The following ZYG11B variants were observed in gnomAD, a reference collection of about 807,000 sequenced individuals.
The protein encoded by ZYG11B is zyg-11 family member B, cell cycle regulator.
Under a neutral mutation model 82.4 loss-of-function variants are expected in ZYG11B, and 36 were observed. That is an observed-to-expected ratio of 0.44 (90% CI 0.33 to 0.58). ZYG11B has a LOEUF of 0.58. Among genes scored for constraint, ZYG11B ranks in the 20% least tolerant of loss-of-function variants. The pLI is 0.02. For synonymous variants in ZYG11B, 303 were observed against 312.8 expected, an observed-to-expected ratio of 0.97 and a Z score of 0.33; for missense variants, 552 against 895.6, an observed-to-expected ratio of 0.62 and a Z score of 4.90.
In ZYG11B at chr1:52,796,970, A is replaced by G. The variant is rs1486041192; in HGVS notation, c.1485+186A>G. Among the ~76,000 whole-genome samples the G allele has an allele frequency of 1.5e-3, 103 of 67,472 alleles. 1 individual carries two copies. The highest frequency in any genetic ancestry group is 2.0e-3 in the Non-Finnish European group (85 of 43,526). The allele number at this position is 67,472 out of a possible 152,430, so 44.3% of individuals were successfully genotyped here. On this transcript the variant is annotated intron_variant, in intron 8 of 13. Coordinates refer to ENST00000294353, the MANE Select transcript of ZYG11B (RefSeq NM_024646.3). ...TGTATAATTATATATTATATATAATATATATAAATATATATATTTTTTATA... is the reference window on the plus strand; with the variant it reads ...TGTATAATTATATATTATATATAATGTATATAAATATATATATTTTTTATA...
chr1:52,811,482 T>C (rs894729682), intron 10 of ZYG11B, among the ~76,000 whole-genome samples: 40 of 152,176 alleles, frequency 2.6e-4, no homozygotes, highest in African/African-American at 9.2e-4. Context: ...TTTTTGTGTG[T>C]GTGAATAGAG....
chr1:52,793,896 C>CTTACTTCCTTCCTTTTCT (rs1553261687), intron 6 of ZYG11B, among the ~76,000 whole-genome samples: 4 of 148,856 alleles, frequency 2.7e-5, no homozygotes, highest in Admixed American at 6.7e-5. Context: ...TCCTTCCTTC[C>CTTACTTCCTTCCTTTTCT]TTCCTTTCTT....
At chr1:52,758,036 C>A (rs979959172) in intron 2 of ZYG11B, among the ~76,000 whole-genome samples, 5 of 151,434 alleles carry the variant, frequency 3.3e-5, no homozygotes, top group Admixed American at 2.0e-4. Flanking sequence ...CCCGTCTTTA[C>A]TAAAAATACA....
rs941099176 is a variant in ZYG11B at position 52,806,215 on chromosome 1, C to T, written c.1695+4076C>T. On this transcript the variant is annotated intron_variant, in intron 10 of 13. Coordinates refer to ENST00000294353, the MANE Select transcript of ZYG11B (RefSeq NM_024646.3). The stretch of plus-strand genomic sequence containing the variant: ...TCTATTTTGGTAAATATTCCATGTA[C>T]ACTTGAGAGGAATGTGTATTGTCTT... 3.9e-5 allele frequency among the ~76,000 whole-genome samples: 6 copies of T among 152,180 alleles called. No individual in the cohort carries two copies. The East Asian group carries it at 9.7e-4, about 25-fold the overall frequency.
rs869260265 is a variant in ZYG11B at position 52,817,777 on chromosome 1, GTATATATATATATATATATATATA to G, written c.2044+1164_2044+1187del. Among the ~76,000 whole-genome samples, 212 of 41,528 alleles carry G rather than the reference GTATATATATATATATATATATATA, an allele frequency of 5.1e-3. 1 individual carries two copies. The highest frequency in any genetic ancestry group is 0.012 in the South Asian group (12 of 1,008). The allele number at this position is 41,528 out of a possible 152,430, so 27.2% of individuals were successfully genotyped here. On this transcript the variant is annotated intron_variant, in intron 13 of 13. Coordinates refer to ENST00000294353, the MANE Select transcript of ZYG11B (RefSeq NM_024646.3). ...AATAGTAAAGTGTGTATATATATGT[GTATATATATATATATATATATATA>G]TATATATATATATATTTTTTTTTTT...
intron 13 of ZYG11B, among the ~76,000 whole-genome samples, chr1:52,819,140 T>G (rs1368203949): frequency 6.6e-6 from 1 of 152,104 alleles, no homozygotes; most frequent in African/African-American, 2.4e-5. Context: ...CAGTAAAAGC[T>G]CTTCTGTGTC....
chr1:52,733,004 A>T (rs993276474), intron 1 of ZYG11B, among the ~76,000 whole-genome samples: 3 of 152,096 alleles, frequency 2.0e-5, no homozygotes, highest in Non-Finnish European at 4.4e-5. Context: ...AACCCAACAT[A>T]GGAGGTTATT....
chr1:52,821,583 G>T lies in ZYG11B; in HGVS notation c.2189G>T (p.Gly730Val). Residue 730 changes from glycine (G) to valine (V), a missense_variant, in exon 14 of 14, where the codon GGG becomes GTG. Coordinates refer to ENST00000294353, the MANE Select transcript of ZYG11B (RefSeq NM_024646.3). The part of the protein sequence containing the change: ...DSLEKHIVRH[G>V]RPPPCKKQPQ... ...TTAGAAAAACACATTGTGCGCCATGGGAGGCCACCTCCCTGTAAAAAACAG... is the reference window on the plus strand; with the variant it reads ...TTAGAAAAACACATTGTGCGCCATGTGAGGCCACCTCCCTGTAAAAAACAG... The T allele has an allele frequency of 1.2e-6, 2 of 1,613,954 alleles. No individual in the cohort carries two copies. The highest frequency in any genetic ancestry group is 1.7e-6 in the Non-Finnish European group (2 of 1,179,956).
At position 52,731,347 on chromosome 1, in the gene ZYG11B, C is replaced by CT. The variant is rs1420614522; in HGVS notation, c.30+4665dup. Among the ~76,000 whole-genome samples, 15 of 152,074 alleles carry CT rather than the reference C, an allele frequency of 9.9e-5. No individual in the cohort carries two copies. In the East Asian group the frequency reaches 2.9e-3, roughly 29 times the overall value. ...TGTGCAAATGACCTGTGGTGATACT[C>CT]TCTCTTGCCTGCCTAACTCTAACAT... On this transcript the variant is annotated intron_variant, in intron 1 of 13. Coordinates refer to ENST00000294353, the MANE Select transcript of ZYG11B (RefSeq NM_024646.3).
chr1:52,768,936 C>T (rs907973753), intron 2 of ZYG11B, among the ~76,000 whole-genome samples: 13 of 152,176 alleles, frequency 8.5e-5, no homozygotes, highest in Non-Finnish European at 1.8e-4. Flanking sequence ...CCAGCATTTT[C>T]AAAGGCCTTA....
At chr1:52,781,050 A>G (rs1317022644) in intron 4 of ZYG11B, among the ~76,000 whole-genome samples, 1 of 152,004 alleles carries the variant, frequency 6.6e-6, no homozygotes, top group East Asian at 1.9e-4. Context: ...AGGCTGAGGC[A>G]TGAGGAACCT....
At chr1:52,737,567 G>A (rs950610333) in intron 1 of ZYG11B, among the ~76,000 whole-genome samples, 13 of 152,110 alleles carry the variant, frequency 8.5e-5, no homozygotes, top group African/African-American at 2.9e-4. Flanking sequence ...AGGAGTTCAA[G>A]ACCACCTGGC....
chr1:52,796,909 T>TATATA (rs1645013295), intron 8 of ZYG11B, 125 bp downstream of exon 8: 1 of 106,336 alleles, frequency 9.4e-6, no homozygotes, highest in Admixed American at 1.7e-4. Flanking sequence ...ATTATATATA[T>TATATA]ATTATATATT....
chr1:52,782,514 G>A (rs1443667820), intron 4 of ZYG11B, among the ~76,000 whole-genome samples: 3 of 151,924 alleles, frequency 2.0e-5, no homozygotes, highest in African/African-American at 4.8e-5. Flanking sequence ...TCAACCTCTC[G>A]AATGGCTGGG....
intron 6 of ZYG11B, among the ~76,000 whole-genome samples, chr1:52,795,836 C>T (rs184967993): frequency 6.6e-6 from 1 of 152,220 alleles, no homozygotes; most frequent in Admixed American, 6.6e-5. Flanking sequence ...AAAGTAGGGA[C>T]ATTTTTCTGT....
At chr1:52,743,218 A>G (rs1644448286) in intron 1 of ZYG11B, among the ~76,000 whole-genome samples, 1 of 151,968 alleles carries the variant, frequency 6.6e-6, no homozygotes, top group African/African-American at 2.4e-5. Flanking sequence ...TTAGGGAGTC[A>G]TCACCACTCC....
At chr1:52,817,817 T>G (rs868223580) in intron 13 of ZYG11B, among the ~76,000 whole-genome samples, 1 of 8,578 alleles carries the variant, frequency 1.2e-4, no homozygotes, top group Non-Finnish European at 2.9e-4. Context: ...ATATATATAT[T>G]TTTTTTTTTT....
intron 4 of ZYG11B, among the ~76,000 whole-genome samples, chr1:52,783,860 G>GTGTGTACATACACGTGTGTGTA (rs1644882339): frequency 7.0e-6 from 1 of 142,462 alleles, no homozygotes; most frequent in Non-Finnish European, 1.5e-5. Flanking sequence ...ACGTGTGTGT[G>GTGTGTACATACACGTGTGTGTA]TATGTACATA....
At chr1:52,753,549 G>A (rs777199588) in intron 1 of ZYG11B, among the ~76,000 whole-genome samples, 7 of 151,480 alleles carry the variant, frequency 4.6e-5, no homozygotes, top group Non-Finnish European at 1.0e-4. Flanking sequence ...CCTTACCCTA[G>A]TAGCTGAGAT....
Sources: allele counts gnomAD v4.1 joint callset (sites outside exome capture counted in the v4.1 genomes callset), GRCh38; gene constraint gnomAD v4.1.1; transcripts MANE v1.5; gene names NCBI Gene and HGNC (gene_info 2026-07-23, HGNC 2026-07-21).